Variants in SYNPO2 observed in about 807,000 individuals in gnomAD.
The protein encoded by SYNPO2 is synaptopodin-2.
A neutral mutation model predicts 85.0 loss-of-function variants in SYNPO2; 56 were observed. The observed-to-expected ratio is 0.66, with a 90% confidence interval of 0.53 to 0.82. The LOEUF (loss-of-function observed/expected upper bound fraction) is 0.82. SYNPO2 is among the 40% of genes least tolerant of loss of function. The pLI, the probability that SYNPO2 is intolerant of heterozygous loss-of-function variation, is 0.00. For synonymous variants in SYNPO2, 602 were observed against 591.1 expected (o/e 1.02, Z -0.27); for missense variants, 1,575 against 1,534.2 (o/e 1.03, Z -0.44).
chr4:118,982,633 A>C (rs183737707), intron 1 of SYNPO2, among the ~76,000 whole-genome samples: 41 of 152,318 alleles, frequency 2.7e-4, no homozygotes, highest in Non-Finnish European at 4.3e-4. Flanking sequence ...ACTTGCAGAT[A>C]TCTTTTTGGT....
chr4:118,946,418 G>C (rs748800616), intron 1 of SYNPO2, among the ~76,000 whole-genome samples: 138 of 139,856 alleles, frequency 9.9e-4, no homozygotes, highest in Non-Finnish European at 4.0e-4. Flanking sequence ...GAAAACAGCT[G>C]GCTGGTGATT....
chr4:119,057,924 G>T lies in SYNPO2; in HGVS notation c.3776G>T (p.Arg1259Leu), dbSNP rs185497340. 5.0e-6 allele frequency: 8 copies of T among 1,609,128 alleles called. No homozygotes were observed. The Admixed American group carries it at 1.0e-4, about 20-fold the overall frequency. The change falls in exon 5 of 5, where the codon CGC becomes CTC. Residue 1259 changes from arginine (R) to leucine (L), a missense_variant. Transcript: ENST00000307142. ...AACCCACACCCAAGGGGATGGAGAC[G>T]CCAAACATGAAAGTTAGAAGAACGG... is the stretch of plus-strand genomic sequence containing the variant. ...NYNPHPRGWR[R>L]QT
At chr4:118,965,267 T>C (rs1399243521) in intron 1 of SYNPO2, among the ~76,000 whole-genome samples, 2 of 151,850 alleles carry the variant, frequency 1.3e-5, no homozygotes, top group African/African-American at 4.8e-5. Context: ...CTGTTATGAG[T>C]CCATTTGCCA....
chr4:119,054,584 GTC>G (rs1427119013), intron 4 of SYNPO2, among the ~76,000 whole-genome samples: 5 of 152,122 alleles, frequency 3.3e-5, no homozygotes, highest in African/African-American at 1.2e-4. Context: ...AAGTCCAGCT[GTC>G]TCTCTGAAGT....
chr4:118,866,296 G>A (rs10025640), intron 1 of SYNPO2, among the ~76,000 whole-genome samples: 8,459 of 151,980 alleles, frequency 0.056, 269 homozygotes, highest in Non-Finnish European at 0.064. Context: ...CCCACTCCCC[G>A]ACCCCCACAC....
chr4:118,950,073 T>G (rs1374328773), intron 1 of SYNPO2, among the ~76,000 whole-genome samples: 1 of 143,266 alleles, frequency 7.0e-6, no homozygotes, highest in Non-Finnish European at 1.5e-5. Context: ...GATGACATTC[T>G]GTTAAAAGAA....
chr4:118,977,617 G>A (rs1735842375), intron 1 of SYNPO2, among the ~76,000 whole-genome samples: 1 of 152,236 alleles, frequency 6.6e-6, no homozygotes, highest in Admixed American at 6.5e-5. Context: ...CTCAACTTGA[G>A]GAGACACTAG....
intron 1 of SYNPO2, among the ~76,000 whole-genome samples, chr4:119,022,724 A>AATTTTATTTTATTTTAT (rs1553947324): frequency 7.0e-6 from 1 of 142,300 alleles, no homozygotes; most frequent in Non-Finnish European, 1.5e-5. Flanking sequence ...ATTTTATTTT[A>AATTTTATTTTATTTTAT]ATTTTATTTT....
chr4:119,004,688 C>A (rs1430302121), intron 1 of SYNPO2, among the ~76,000 whole-genome samples: 2 of 143,566 alleles, frequency 1.4e-5, no homozygotes, highest in East Asian at 4.1e-4. Context: ...AATAAACATA[C>A]ATGTGCATGT....
chr4:118,860,237 C>T (rs1302632376), intron 1 of SYNPO2, among the ~76,000 whole-genome samples: 2 of 151,980 alleles, frequency 1.3e-5, no homozygotes, highest in African/African-American at 2.4e-5. Context: ...TTGTGCACAA[C>T]CCCCCCGCCA....
At chr4:118,927,737 TA>T (rs202131713) in intron 1 of SYNPO2, among the ~76,000 whole-genome samples, 4,447 of 148,310 alleles carry the variant, frequency 0.03, 119 homozygotes, top group African/African-American at 0.063. Flanking sequence ...GATAGATAGA[TA>T]GATAGATAGA....
At chr4:119,046,203 TATC>T (rs1295707596) in intron 4 of SYNPO2, among the ~76,000 whole-genome samples, 1 of 152,246 alleles carries the variant, frequency 6.6e-6, no homozygotes, top group African/African-American at 2.4e-5. Flanking sequence ...TAGTTATTAT[TATC>T]ATTGCTTCAA....
intron 2 of SYNPO2, among the ~76,000 whole-genome samples, chr4:119,024,165 TC>T (rs896505739): frequency 1.3e-5 from 2 of 152,060 alleles, no homozygotes; most frequent in Non-Finnish European, 2.9e-5. Flanking sequence ...AATACCACCA[TC>T]CCCACATAGT....
intron 1 of SYNPO2, among the ~76,000 whole-genome samples, chr4:119,009,196 A>G (rs923739334): frequency 6.6e-6 from 1 of 152,202 alleles, no homozygotes; most frequent in African/African-American, 2.4e-5. Context: ...TTGAAGAGCT[A>G]ATTATTGGCA....
At chr4:118,852,160 A>G (rs1422260128) in intron 1 of SYNPO2, among the ~76,000 whole-genome samples, 1 of 152,252 alleles carries the variant, frequency 6.6e-6, no homozygotes, top group African/African-American at 2.4e-5. Context: ...GCAAATCAAA[A>G]CCACAATGAG....
chr4:119,043,365 A>T (rs1320255733), intron 4 of SYNPO2: 1 of 152,218 alleles, frequency 6.6e-6, no homozygotes, highest in Non-Finnish European at 1.5e-5. Flanking sequence ...GGGCTGATGT[A>T]GTATTTTAGC....
At chr4:118,930,934 A>G (rs1733912057) in intron 1 of SYNPO2, among the ~76,000 whole-genome samples, 1 of 131,224 alleles carries the variant, frequency 7.6e-6, no homozygotes, top group Admixed American at 8.1e-5. Flanking sequence ...AAAAAAAAAA[A>G]AAATGGTAAG....
intron 1 of SYNPO2, among the ~76,000 whole-genome samples, chr4:118,982,559 C>T (rs10434026): frequency 0.18 from 27,322 of 152,106 alleles, 2,972 homozygotes; most frequent in East Asian, 0.28. Flanking sequence ...GAATCACTAG[C>T]GGTGGTCTCA....
chr4:119,012,362 T>C (rs1294586240), intron 1 of SYNPO2, among the ~76,000 whole-genome samples: 1 of 138,092 alleles, frequency 7.2e-6, no homozygotes, highest in African/African-American at 2.8e-5. Flanking sequence ...GGTTCCTTTT[T>C]TTTCCCCCTT....
Sources: allele counts gnomAD v4.1 joint callset (sites outside exome capture counted in the v4.1 genomes callset), GRCh38; gene constraint gnomAD v4.1.1; transcripts MANE v1.5; gene names NCBI Gene and HGNC (gene_info 2026-07-23, HGNC 2026-07-21).